Variants in DMXL2 observed in about 807,000 individuals in gnomAD.
The protein encoded by DMXL2 is Dmx like 2, also known as dmX-like protein 2.
DMXL2 carries 103 observed loss-of-function variants against 331.1 expected under a neutral mutation model. The observed-to-expected ratio is 0.31, with a 90% CI of 0.27 to 0.37. The LOEUF is 0.37. DMXL2 is among the 10% of genes least tolerant of loss of function. The probability of loss-of-function intolerance (pLI) is 1.00; values close to 1 mark genes in which losing one functional copy is unlikely to be tolerated. For synonymous variants in DMXL2, 1,281 were observed against 1,252.1 expected (o/e 1.02, Z -0.49); for missense variants, 3,171 against 3,642.9 (o/e 0.87, Z 3.33).
At chr15:51,481,669 G>C in intron 23 of DMXL2, 46 bp from the exon 24 acceptor site, 1 of 1,466,064 alleles carries the variant, frequency 6.8e-7, no homozygotes, top group South Asian at 1.5e-5. Context: ...GTGTTAATAT[G>C]TATTTACATT....
intron 1 of DMXL2, among the ~76,000 whole-genome samples, chr15:51,621,511 T>A (rs141518535): frequency 6.6e-6 from 1 of 152,318 alleles, no homozygotes; most frequent in East Asian, 1.9e-4. Context: ...AGGAAGACCA[T>A]GTATAAATTT....
At chr15:51,609,640 C>T (rs141761770) in intron 1 of DMXL2, among the ~76,000 whole-genome samples, 5 of 152,242 alleles carry the variant, frequency 3.3e-5, no homozygotes, top group African/African-American at 7.2e-5. Flanking sequence ...ATACTATCTA[C>T]GTTTGTGGCC....
chr15:51,455,857 T>A (rs2039573827), intron 39 of DMXL2, among the ~76,000 whole-genome samples: 1 of 152,216 alleles, frequency 6.6e-6, no homozygotes, highest in Admixed American at 6.5e-5. Context: ...ATATTTAGTA[T>A]CTTTAAATAG....
intron 8 of DMXL2, among the ~76,000 whole-genome samples, chr15:51,543,415 AG>A (rs2048713922): frequency 6.6e-6 from 1 of 152,188 alleles, no homozygotes; most frequent in South Asian, 2.1e-4. Context: ...AAACAGTATC[AG>A]GTCAATGGTG....
At chr15:51,453,396 G>T in intron 41 of DMXL2, 154 bp downstream of exon 41, 4 of 503,782 alleles carry the variant, frequency 7.9e-6, no homozygotes, top group South Asian at 8.5e-5. Context: ...TCTCTTTTTG[G>T]TAAGAAAAAA....
In DMXL2 at chr15:51,568,565, A is replaced by G. The variant is rs1421696078; in HGVS notation, c.214-7T>C. On this transcript the variant is annotated splice_polypyrimidine_tract_variant and splice_region_variant and intron_variant, in intron 2 of 43. Coordinates refer to ENST00000560891, the MANE Select transcript of DMXL2 (RefSeq NM_001378457.1). ...TACCATATGAAGCTGCAATCTAAAA[A>G]AGAATAAATACAGCATTAATATCTA... 6.4e-7 allele frequency: 1 copy of G among 1,556,028 alleles called. No individual in the cohort carries two copies.
chr15:51,585,493 A>T (rs1277260001), intron 1 of DMXL2, among the ~76,000 whole-genome samples: 2 of 152,018 alleles, frequency 1.3e-5, no homozygotes, highest in Admixed American at 6.6e-5. Context: ...GGTTGTTTCC[A>T]GTCTTTTACT....
chr15:51,507,303 T>TA (rs760693758), intron 15 of DMXL2, 50 bp from the exon 16 acceptor site: 18 of 1,527,130 alleles, frequency 1.2e-5, no homozygotes, highest in South Asian at 3.8e-5. Context: ...TTTATGGGGT[T>TA]AAAAAAACAC....
chr15:51,497,773 T>C (rs1039315057), intron 18 of DMXL2, among the ~76,000 whole-genome samples: 1 of 152,180 alleles, frequency 6.6e-6, no homozygotes, highest in Non-Finnish European at 1.5e-5. Context: ...GAAGAGACTT[T>C]TTGGAGAAAA....
At chr15:51,559,781 A>G (rs942673666) in intron 6 of DMXL2, among the ~76,000 whole-genome samples, 1 of 152,166 alleles carries the variant, frequency 6.6e-6, no homozygotes, top group South Asian at 2.1e-4. Context: ...CCAAATTTAC[A>G]AAAGTTTAAA....
At chr15:51,521,449 AGTAGTAGTAGTAGTGGTAGTG>A (rs1389703293) in intron 13 of DMXL2, among the ~76,000 whole-genome samples, 3 of 148,980 alleles carry the variant, frequency 2.0e-5, no homozygotes, top group African/African-American at 7.4e-5. Flanking sequence ...TAGTAGTAGT[AGTAGTAGTAGTAGTGGTAGTG>A]GTAGTAGTAG....
At chr15:51,524,499 C>T (rs1267906826) in intron 13 of DMXL2, among the ~76,000 whole-genome samples, 1 of 152,180 alleles carries the variant, frequency 6.6e-6, no homozygotes, top group African/African-American at 2.4e-5. Context: ...GAAAGAAGCA[C>T]TGAAGAGGTA....
intron 8 of DMXL2, among the ~76,000 whole-genome samples, chr15:51,545,347 A>G (rs1484563245): frequency 2.6e-5 from 4 of 152,212 alleles, no homozygotes; most frequent in Non-Finnish European, 4.4e-5. Flanking sequence ...ATAAAATATC[A>G]ATTTTTAAAA....
chr15:51,614,317 T>C (rs2054156268), intron 1 of DMXL2, among the ~76,000 whole-genome samples: 2 of 152,222 alleles, frequency 1.3e-5, no homozygotes. Context: ...TATTATTTTG[T>C]TATGGCAGCC....
intron 40 of DMXL2, 36 bp from the exon 41 acceptor site, chr15:51,453,677 C>CT (rs758205027): frequency 1.3e-6 from 2 of 1,562,792 alleles, no homozygotes; most frequent in Admixed American, 3.4e-5. Context: ...GTTATTTTAC[C>CT]ATTGGATAAA....
chr15:51,491,546 A>T, intron 20 of DMXL2, 32 bp downstream of exon 20: 1 of 1,562,016 alleles, frequency 6.4e-7, no homozygotes, highest in Non-Finnish European at 8.6e-7. Flanking sequence ...GGTTTTTTTA[A>T]TATAACTCAA....
intron 25 of DMXL2, among the ~76,000 whole-genome samples, chr15:51,479,240 G>A (rs573737751): frequency 6.6e-6 from 1 of 152,300 alleles, no homozygotes; most frequent in South Asian, 2.1e-4. Flanking sequence ...TGCTGCCAGA[G>A]AGTAAATGTG....
chr15:51,527,633 A>G (rs2047753058), intron 13 of DMXL2, among the ~76,000 whole-genome samples: 1 of 151,252 alleles, frequency 6.6e-6, no homozygotes, highest in South Asian at 2.1e-4. Flanking sequence ...GAGGCAGGAT[A>G]ATTGCTTGCA....
chr15:51,572,455 T>C (rs2050739022), intron 2 of DMXL2, among the ~76,000 whole-genome samples: 1 of 152,168 alleles, frequency 6.6e-6, no homozygotes, highest in Non-Finnish European at 1.5e-5. Context: ...ATCATCCTGA[T>C]ACCAAAGCCT....
Sources: allele counts gnomAD v4.1 joint callset (sites outside exome capture counted in the v4.1 genomes callset), GRCh38; gene constraint gnomAD v4.1.1; transcripts MANE v1.5; gene names NCBI Gene and HGNC (gene_info 2026-07-23, HGNC 2026-07-21).